Variants in CCDC178 observed in about 807,000 individuals in gnomAD.
CCDC178 encodes the protein coiled-coil domain-containing protein 178.
CCDC178 carries 126 observed loss-of-function variants against 117.4 expected under a neutral mutation model. That is an observed-to-expected ratio of 1.07 (90% CI 0.93 to 1.24). The LOEUF (loss-of-function observed/expected upper bound fraction) is 1.24. CCDC178 is among the 50% of genes most tolerant of loss of function. The pLI, the probability that CCDC178 is intolerant of heterozygous loss-of-function variation, is 0.00. For synonymous variants in CCDC178, 283 were observed against 313.4 expected, an observed-to-expected ratio of 0.90 and a Z score of 1.02; for missense variants, 1,030 against 986.9, an observed-to-expected ratio of 1.04 and a Z score of -0.59.
At chr18:33,362,353 G>A (rs763721100) in intron 6 of CCDC178, among the ~76,000 whole-genome samples, 10 of 151,652 alleles carry the variant, frequency 6.6e-5, no homozygotes, top group Non-Finnish European at 1.2e-4. Flanking sequence ...TTTTTAAGGA[G>A]TTCAAATACA....
chr18:33,120,801 T>C (rs1163241161), intron 20 of CCDC178, among the ~76,000 whole-genome samples: 1 of 152,156 alleles, frequency 6.6e-6, no homozygotes, highest in Non-Finnish European at 1.5e-5. Context: ...TTATTTAACA[T>C]GATATATAAC....
At chr18:32,999,801 T>C (rs2055595170) in intron 21 of CCDC178, among the ~76,000 whole-genome samples, 1 of 152,190 alleles carries the variant, frequency 6.6e-6, no homozygotes, top group African/African-American at 2.4e-5. Flanking sequence ...ATCCCTAATG[T>C]AGATATGGCT....
chr18:32,953,308 T>C (rs2054529372), intron 22 of CCDC178, among the ~76,000 whole-genome samples: 1 of 152,212 alleles, frequency 6.6e-6, no homozygotes, highest in African/African-American at 2.4e-5. Context: ...ATTGTCTATA[T>C]CATTATCAGC....
intron 20 of CCDC178, among the ~76,000 whole-genome samples, chr18:33,147,356 A>ATTTTTTTT (rs575608507): frequency 2.5e-4 from 24 of 94,612 alleles, no homozygotes; most frequent in African/African-American, 1.1e-3. Context: ...TGCCTTTTTA[A>ATTTTTTTT]TTTTTTTTTT....
chr18:33,369,183 A>T (rs1481252906), intron 6 of CCDC178, among the ~76,000 whole-genome samples: 1 of 152,002 alleles, frequency 6.6e-6, no homozygotes, highest in Non-Finnish European at 1.5e-5. Context: ...AATAATATAG[A>T]AGTAACAGTG....
At chr18:33,182,541 TCTTTGGTG>T (rs2058743919) in intron 20 of CCDC178, among the ~76,000 whole-genome samples, 1 of 151,966 alleles carries the variant, frequency 6.6e-6, no homozygotes, top group Non-Finnish European at 1.5e-5. Flanking sequence ...ATCTTTCAAA[TCTTTGGTG>T]CTGGGAGTTG....
At chr18:33,394,856 A>T in intron 4 of CCDC178, among the ~76,000 whole-genome samples, 1 of 148,348 alleles carries the variant, frequency 6.7e-6, no homozygotes, top group East Asian at 2.0e-4. Flanking sequence ...AATAGTGTAT[A>T]TAATTCATAT....
At chr18:33,085,213 T>C (rs968474038) in intron 21 of CCDC178, among the ~76,000 whole-genome samples, 3 of 152,174 alleles carry the variant, frequency 2.0e-5, no homozygotes, top group Admixed American at 6.5e-5. Context: ...AGTAGCCATA[T>C]CTTCTATATG....
chr18:33,095,767 GGTGTATATATATATATACACACTTTTAA>G (rs1313987092), intron 20 of CCDC178, among the ~76,000 whole-genome samples: 1 of 150,742 alleles, frequency 6.6e-6, no homozygotes, highest in African/African-American at 2.4e-5. Context: ...CTACTTGAGA[GGTGTATATATATATATACACACTTTTAA>G]GTGTATATAT....
rs773131720 is a variant in CCDC178, at chr18:33,215,591, T to C, written c.2037A>G (p.Glu679=). The C allele has an allele frequency of 6.7e-7, 1 of 1,493,788 alleles. No individual in the cohort carries two copies. Among genetic ancestry groups the C allele is most frequent in the South Asian group, 1.3e-5 (1 of 75,516 alleles). 92.5% of individuals were successfully genotyped at this position (1,493,788 alleles called of 1,614,324 possible). The change falls in exon 19 of 23, where the codon GAA becomes GAG. Residue 679 remains glutamate (E), a synonymous_variant. Transcript: ENST00000383096. ...NELNEELKAK[E]EEKKSFDQTL... ...TCTGATCAAAACTTTTCTTTTCTTC[T>C]TCTTTTGCTTTTAATTCCTCATTCA...
At chr18:33,188,047 G>A (rs1287780367) in intron 20 of CCDC178, among the ~76,000 whole-genome samples, 1 of 152,082 alleles carries the variant, frequency 6.6e-6, no homozygotes, top group Non-Finnish European at 1.5e-5. Context: ...AGAGTGACCT[G>A]GGGAAATATT....
intron 21 of CCDC178, among the ~76,000 whole-genome samples, chr18:33,056,932 G>A (rs1346119114): frequency 7.1e-6 from 1 of 140,502 alleles, no homozygotes; most frequent in Non-Finnish European, 1.5e-5. Flanking sequence ...TGGAATTGCT[G>A]GTGTTTATAA....
chr18:33,091,557 A>G (rs1309618866), intron 21 of CCDC178, among the ~76,000 whole-genome samples: 3 of 151,562 alleles, frequency 2.0e-5, no homozygotes, highest in African/African-American at 7.3e-5. Context: ...GGCTGGTCTC[A>G]AACTCCTGAC....
chr18:33,257,172 G>T (rs368732283), intron 14 of CCDC178, among the ~76,000 whole-genome samples: 6 of 152,048 alleles, frequency 3.9e-5, no homozygotes, highest in East Asian at 3.9e-4. Context: ...AGCTGAGCAG[G>T]ATAACTTTTC....
chr18:33,388,997 A>G (rs2063530334), intron 5 of CCDC178, among the ~76,000 whole-genome samples: 1 of 151,994 alleles, frequency 6.6e-6, no homozygotes. Context: ...GGGGGAGGGC[A>G]GGTTAGGGGA....
intron 8 of CCDC178, 116 bp downstream of exon 8, chr18:33,348,774 T>C: frequency 1.5e-6 from 1 of 681,622 alleles, no homozygotes; most frequent in Non-Finnish European, 2.5e-6. Flanking sequence ...CTATTAAACA[T>C]TCATAATAAT....
chr18:32,982,937 G>C (rs1480166179), intron 21 of CCDC178, among the ~76,000 whole-genome samples: 1 of 152,032 alleles, frequency 6.6e-6, no homozygotes, highest in Non-Finnish European at 1.5e-5. Flanking sequence ...ACAACACCAA[G>C]AGTGAACCCT....
At chr18:33,143,520 T>C (rs2058234408) in intron 20 of CCDC178, among the ~76,000 whole-genome samples, 1 of 152,164 alleles carries the variant, frequency 6.6e-6, no homozygotes, top group African/African-American at 2.4e-5. Context: ...TACAAATGCA[T>C]AGAGCTATCA....
chr18:33,432,756 A>G (rs1426944641), intron 2 of CCDC178, among the ~76,000 whole-genome samples: 1 of 152,144 alleles, frequency 6.6e-6, no homozygotes, highest in Non-Finnish European at 1.5e-5. Context: ...ATTTTTTTTA[A>G]TTGCACGGCT....
Sources: gnomAD v4.1 joint callset for allele counts (sites outside exome capture counted in the v4.1 genomes callset) on GRCh38, gnomAD v4.1.1 for gene constraint, MANE v1.5 for transcripts, NCBI Gene and HGNC (gene_info 2026-07-23, HGNC 2026-07-21) for gene names.